MALRD1: variants seen among roughly 807,000 people sequenced by gnomAD.
MALRD1 encodes MAM and LDL receptor class A domain containing 1.
A neutral mutation model predicts 242.1 loss-of-function variants in MALRD1; 247 were observed. The ratio of observed to expected loss-of-function variants is 1.02; its 90% CI spans 0.92 to 1.13. The LOEUF is 1.13. MALRD1 is among the 50% of genes most tolerant of loss of function. MALRD1 has a pLI of 0.00. For missense variants in MALRD1, 2,989 were observed against 2,533.1 expected, an observed-to-expected ratio of 1.18 and a Z score of -3.86; for synonymous variants, 995 against 866.6, an observed-to-expected ratio of 1.15 and a Z score of -2.60.
At chr10:19,175,474 A>C (rs1006904961) in intron 14 of MALRD1, 146 bp downstream of exon 14, 1 of 221,698 alleles carries the variant, frequency 4.5e-6, no homozygotes, top group Non-Finnish European at 7.9e-6. Flanking sequence ...ATATATATAT[A>C]TATATATATT....
chr10:19,071,874 T>A (rs1021414212), intron 2 of MALRD1, among the ~76,000 whole-genome samples: 1 of 152,180 alleles, frequency 6.6e-6, no homozygotes, highest in Non-Finnish European at 1.5e-5. Context: ...GAAAATTTAA[T>A]GTCCATTTAT....
intron 14 of MALRD1, among the ~76,000 whole-genome samples, chr10:19,185,814 AGTGT>A (rs5783657): frequency 7.0e-4 from 103 of 148,140 alleles, no homozygotes; most frequent in Non-Finnish European, 8.2e-4. Flanking sequence ...GTTTTGAGAT[AGTGT>A]GTGTGTGTGT....
intron 34 of MALRD1, among the ~76,000 whole-genome samples, chr10:19,599,462 A>C: frequency 6.6e-6 from 1 of 152,150 alleles, no homozygotes; most frequent in Admixed American, 6.6e-5. Flanking sequence ...AAGAAAAAGA[A>C]AAAGAAAAAA....
At chr10:19,589,345 G>A (rs1837629797) in intron 33 of MALRD1, among the ~76,000 whole-genome samples, 1 of 152,102 alleles carries the variant, frequency 6.6e-6, no homozygotes, top group African/African-American at 2.4e-5. Flanking sequence ...GTTCCTTACT[G>A]AAGGAAGCAT....
intron 38 of MALRD1, among the ~76,000 whole-genome samples, chr10:19,695,202 C>T (rs1028041531): frequency 6.6e-6 from 1 of 152,006 alleles, no homozygotes; most frequent in Non-Finnish European, 1.5e-5. Context: ...CACATGTACC[C>T]TAGAACTTAA....
At chr10:19,157,155 T>A (rs1834186633) in intron 12 of MALRD1, among the ~76,000 whole-genome samples, 1 of 152,190 alleles carries the variant, frequency 6.6e-6, no homozygotes. Flanking sequence ...TGTAGGAGAA[T>A]GTTATTGATA....
intron 35 of MALRD1, among the ~76,000 whole-genome samples, chr10:19,614,672 A>G (rs914429405): frequency 1.3e-5 from 2 of 152,044 alleles, no homozygotes; most frequent in East Asian, 1.9e-4. Context: ...TAGTTACTCT[A>G]TGAAGATATT....
chr10:19,467,219 G>T (rs1338481722), intron 29 of MALRD1, among the ~76,000 whole-genome samples: 1 of 54,728 alleles, frequency 1.8e-5, no homozygotes, highest in Non-Finnish European at 3.9e-5. Flanking sequence ...GCCGGGTGTG[G>T]TGGTGGGCGC....
chr10:19,441,558 T>C (rs550714217), intron 28 of MALRD1, among the ~76,000 whole-genome samples: 2 of 152,334 alleles, frequency 1.3e-5, no homozygotes, highest in African/African-American at 4.8e-5. Flanking sequence ...TTTCTACATA[T>C]GGCTAGCCAG....
intron 21 of MALRD1, among the ~76,000 whole-genome samples, chr10:19,320,539 A>G (rs907944547): frequency 4.6e-5 from 7 of 152,170 alleles, no homozygotes; most frequent in Non-Finnish European, 8.8e-5. Context: ...ATACATGTGC[A>G]TGTGTCTTTA....
At chr10:19,171,219 A>T (rs1399050823) in intron 13 of MALRD1, among the ~76,000 whole-genome samples, 1 of 151,606 alleles carries the variant, frequency 6.6e-6, no homozygotes, top group Non-Finnish European at 1.5e-5. Context: ...GATCCCAAAA[A>T]ATAGTTTTAG....
intron 36 of MALRD1, among the ~76,000 whole-genome samples, chr10:19,683,395 CA>C (rs752232345): frequency 6.6e-6 from 1 of 152,192 alleles, no homozygotes; most frequent in Non-Finnish European, 1.5e-5. Context: ...TAGCACTTTA[CA>C]GTCTACAATG....
At chr10:19,689,441 G>T (rs1212072743) in intron 36 of MALRD1, among the ~76,000 whole-genome samples, 1 of 152,058 alleles carries the variant, frequency 6.6e-6, no homozygotes, top group East Asian at 1.9e-4. Flanking sequence ...ATTTTACAAG[G>T]AAAATTTTCT....
At chr10:19,176,904 G>A (rs1835283897) in intron 14 of MALRD1, among the ~76,000 whole-genome samples, 1 of 151,880 alleles carries the variant, frequency 6.6e-6, no homozygotes, top group Admixed American at 6.6e-5. Flanking sequence ...GTGTGTGCAT[G>A]CGTGTCTGTG....
chr10:19,471,113 T>C (rs1001040541), intron 29 of MALRD1, among the ~76,000 whole-genome samples: 1 of 151,994 alleles, frequency 6.6e-6, no homozygotes, highest in Non-Finnish European at 1.5e-5. Flanking sequence ...TTTTTTTGTT[T>C]GTAAGATAAA....
At chr10:19,408,228 A>G (rs746782488) in intron 28 of MALRD1, among the ~76,000 whole-genome samples, 17 of 152,154 alleles carry the variant, frequency 1.1e-4, no homozygotes, top group Non-Finnish European at 1.9e-4. Context: ...GAAGGAAAAC[A>G]GGAATTAGGG....
chr10:19,543,451 T>TTTTTTGG (rs1554796763), intron 32 of MALRD1, among the ~76,000 whole-genome samples: 1 of 143,722 alleles, frequency 7.0e-6, no homozygotes, highest in African/African-American at 2.8e-5. Context: ...TTTTTTTTTT[T>TTTTTTGG]GAGAGAGAAA....
intron 11 of MALRD1, among the ~76,000 whole-genome samples, chr10:19,149,281 G>A (rs975322747): frequency 6.6e-6 from 1 of 151,916 alleles, no homozygotes; most frequent in African/African-American, 2.4e-5. Flanking sequence ...ACGCCCAGCT[G>A]GTTTTTTGTT....
intron 27 of MALRD1, among the ~76,000 whole-genome samples, chr10:19,388,016 T>C (rs1290489262): frequency 1.3e-5 from 2 of 152,160 alleles, no homozygotes; most frequent in East Asian, 1.9e-4. Flanking sequence ...GATCAAGATA[T>C]TGGCAATGGT....
Sources: allele counts gnomAD v4.1 joint callset (sites outside exome capture counted in the v4.1 genomes callset), GRCh38; gene constraint gnomAD v4.1.1; transcripts MANE v1.5; gene names NCBI Gene and HGNC (gene_info 2026-07-23, HGNC 2026-07-21).